CCM2: variants seen among roughly 807,000 people sequenced by gnomAD.
CCM2 encodes cerebral cavernous malformations 2 protein.
CCM2 carries 25 observed loss-of-function variants against 44.9 expected under a neutral mutation model. The observed-to-expected ratio is 0.56, with a 90% confidence interval of 0.41 to 0.78. The LOEUF (loss-of-function observed/expected upper bound fraction) is 0.78, where lower values mean the gene tolerates loss of function less well. CCM2 is among the 30% of genes least tolerant of loss of function. The pLI, the probability that CCM2 is intolerant of heterozygous loss-of-function variation, is 0.00. For synonymous variants in CCM2, 219 were observed against 241.1 expected, an observed-to-expected ratio of 0.91 and a Z score of 0.85; for missense variants, 481 against 580.6, an observed-to-expected ratio of 0.83 and a Z score of 1.76.
chr7:45,046,043 G>A (rs917509407), intron 2 of CCM2, among the ~76,000 whole-genome samples: 1 of 152,172 alleles, frequency 6.6e-6, no homozygotes, highest in African/African-American at 2.4e-5. Flanking sequence ...TAATTAGTAT[G>A]TTACTTGTCC....
intron 1 of CCM2, among the ~76,000 whole-genome samples, chr7:45,021,198 A>C (rs1008103456): frequency 6.6e-6 from 1 of 152,148 alleles, no homozygotes; most frequent in Non-Finnish European, 1.5e-5. Flanking sequence ...TAGAGAATGC[A>C]GTGAGCCATG....
At chr7:45,019,008 C>T (rs1464227854) in intron 1 of CCM2, among the ~76,000 whole-genome samples, 1 of 151,106 alleles carries the variant, frequency 6.6e-6, no homozygotes, top group African/African-American at 2.4e-5. Context: ...GATCTGCCTG[C>T]CTCGGCCTCC....
Position 45,076,146 on chromosome 7 carries a change from T to G in CCM2, c.*89T>G, listed in dbSNP as rs1273524650. On this transcript the variant is annotated 3_prime_UTR_variant, in exon 10 of 10. Transcript: ENST00000258781. ...GCTGCCCAGACCTGCGTGTCAGCCC[T>G]TGGTGGTGGCCAGGGAGAGGCGCCC... The G allele has an allele frequency of 2.5e-6, 4 of 1,576,778 alleles. No individual in the cohort carries two copies. In the East Asian group the frequency reaches 9.1e-5, roughly 36 times the overall value.
Position 45,002,690 on chromosome 7 carries a change from A to T in CCM2, c.30+2327A>T, listed in dbSNP as rs1795689771. ...GTGTATCACTGCCCTTTCTCAAGTC[A>T]CCTCAGCACATGTGGTGATGATGAC... is the stretch of plus-strand genomic sequence containing the variant. On this transcript the variant is annotated intron_variant, in intron 1 of 9. Coordinates refer to ENST00000258781, the MANE Select transcript of CCM2 (RefSeq NM_031443.4). 2.0e-5 allele frequency among the ~76,000 whole-genome samples: 3 copies of T among 151,838 alleles called. No individual in the cohort carries two copies. The South Asian group carries it at 6.2e-4, about 32-fold the overall frequency.
intron 1 of CCM2, among the ~76,000 whole-genome samples, chr7:45,032,268 C>T (rs1797003581): frequency 6.6e-6 from 1 of 152,128 alleles, no homozygotes; most frequent in Non-Finnish European, 1.5e-5. Context: ...GAGACGCCTG[C>T]CTCCAAGTAG....
At chr7:45,017,421 T>A (rs572874474) in intron 1 of CCM2, among the ~76,000 whole-genome samples, 1 of 152,190 alleles carries the variant, frequency 6.6e-6, no homozygotes, top group South Asian at 2.1e-4. Context: ...AGCTATAGTT[T>A]TGGCTTGTGG....
chr7:45,073,414 G>T, intron 7 of CCM2, 46 bp from the exon 8 acceptor site: 1 of 1,336,436 alleles, frequency 7.5e-7, no homozygotes, highest in South Asian at 1.2e-5. Context: ...TGTGTGGGAT[G>T]GAGGGTCGGG....
intron 2 of CCM2, among the ~76,000 whole-genome samples, chr7:45,049,105 AC>A: frequency 6.6e-6 from 1 of 152,058 alleles, no homozygotes; most frequent in Non-Finnish European, 1.5e-5. Context: ...CACATGTTGC[AC>A]CATCACACCT....
intron 1 of CCM2, among the ~76,000 whole-genome samples, chr7:45,008,965 G>C (rs921977466): frequency 6.6e-6 from 1 of 152,042 alleles, no homozygotes; most frequent in Non-Finnish European, 1.5e-5. Context: ...CAGCCTCCGT[G>C]TTTGCTTTTT....
At chr7:45,009,091 C>G (rs1166628135) in intron 1 of CCM2, among the ~76,000 whole-genome samples, 7 of 152,130 alleles carry the variant, frequency 4.6e-5, no homozygotes, top group Non-Finnish European at 4.4e-5. Context: ...CACCTGAGAT[C>G]AGAAGTTCAA....
chr7:45,061,400 A>G (rs1798510024), intron 2 of CCM2, among the ~76,000 whole-genome samples: 1 of 151,592 alleles, frequency 6.6e-6, no homozygotes, highest in South Asian at 2.1e-4. Flanking sequence ...CCTTGAGGAA[A>G]GCCCTTTGTT....
rs11552377 is a variant in CCM2, at chr7:45,064,532, G to A, written c.358G>A (p.Val120Ile). Reference sequence around the variant, plus strand: ...TGTGCTCAGCCTGTCTGCGTACAACGTCAAGCTGGCCTGGAGGGACGGGGA... The same window carrying A: ...TGTGCTCAGCCTGTCTGCGTACAACATCAAGCTGGCCTGGAGGGACGGGGA... Reference protein sequence around the residue: ...DAVLSLSAYNVKLAWRDGEDI... With the variant: ...DAVLSLSAYNIKLAWRDGEDI... The change falls in exon 4 of 10, where the codon GTC becomes ATC. Residue 120 changes from valine to isoleucine, a missense_variant. Physicochemically the swap from Val to Ile is conservative, Grantham distance 29. Transcript: ENST00000258781. 260,682 of 1,613,656 alleles carry A rather than the reference G, an allele frequency of 0.16. 22,525 individuals are homozygous for A. The highest frequency in any genetic ancestry group is 0.2 in the Middle Eastern group (1,210 of 5,956).
chr7:45,051,706 A>G (rs1356608024), intron 2 of CCM2, among the ~76,000 whole-genome samples: 1 of 152,152 alleles, frequency 6.6e-6, no homozygotes, highest in African/African-American at 2.4e-5. Context: ...GACCACAGGC[A>G]CGTGCCACCA....
intron 2 of CCM2, among the ~76,000 whole-genome samples, chr7:45,058,016 G>A (rs1351386989): frequency 1.3e-5 from 2 of 152,214 alleles, no homozygotes; most frequent in Non-Finnish European, 2.9e-5. Flanking sequence ...GCTCCATCCA[G>A]TGAGAAGGCT....
chr7:45,001,657 T>A (rs540180440), intron 1 of CCM2, among the ~76,000 whole-genome samples: 65 of 152,284 alleles, frequency 4.3e-4, no homozygotes, highest in Admixed American at 1.2e-3. Flanking sequence ...CAGGAGTACC[T>A]GGCCCATCTA....
intron 4 of CCM2, among the ~76,000 whole-genome samples, chr7:45,065,462 G>GGTCACA (rs1798727722): frequency 6.6e-6 from 1 of 152,190 alleles, no homozygotes; most frequent in Non-Finnish European, 1.5e-5. Context: ...GGTGTGAAGG[G>GGTCACA]GTCACAGTGG....
intron 4 of CCM2, among the ~76,000 whole-genome samples, chr7:45,066,880 A>C (rs1798803123): frequency 6.6e-6 from 1 of 151,702 alleles, no homozygotes. Flanking sequence ...AAAAAGAAAA[A>C]AAGTAAAGGG....
chr7:45,028,984 C>G (rs11763408), intron 1 of CCM2, among the ~76,000 whole-genome samples: 20,044 of 152,182 alleles, frequency 0.13, 1,625 homozygotes, highest in Admixed American at 0.2. Context: ...AGGTGTCTCT[C>G]TGGGACTATA....
intron 3 of CCM2, 26 bp from the exon 4 acceptor site, chr7:45,064,437 T>C: frequency 6.2e-7 from 1 of 1,611,652 alleles, no homozygotes; most frequent in Non-Finnish European, 8.5e-7. Context: ...GAGTCTGTAT[T>C]TCTGATGCCC....
Sources: allele counts gnomAD v4.1 joint callset (sites outside exome capture counted in the v4.1 genomes callset), GRCh38; gene constraint gnomAD v4.1.1; transcripts MANE v1.5; gene names NCBI Gene and HGNC (gene_info 2026-07-23, HGNC 2026-07-21).